CNTN5: variants seen among roughly 807,000 people sequenced by gnomAD.
CNTN5 encodes the protein contactin 5, also known as contactin-5.
CNTN5 carries 77 observed loss-of-function variants against 129.1 expected under a neutral mutation model. That is an observed-to-expected ratio of 0.60 (90% CI 0.50 to 0.72). CNTN5 has a LOEUF of 0.72. Among genes scored for constraint, CNTN5 ranks in the 30% least tolerant of loss-of-function variants. The probability of loss-of-function intolerance (pLI) is 0.00; values close to 1 mark genes in which losing one functional copy is unlikely to be tolerated. For synonymous variants in CNTN5, 509 were observed against 465.6 expected (o/e 1.09, Z -1.20); for missense variants, 1,478 against 1,328.8 (o/e 1.11, Z -1.75).
chr11:100,193,411 A>T, intron 14 of CNTN5, 77 bp from the exon 15 acceptor site: 1 of 963,350 alleles, frequency 1.0e-6, no homozygotes, highest in Non-Finnish European at 1.5e-6. Context: ...TTCTTTTCTC[A>T]ATTATTTCAA....
intron 4 of CNTN5, among the ~76,000 whole-genome samples, chr11:99,832,131 G>C (rs565950757): frequency 6.6e-6 from 1 of 152,062 alleles, no homozygotes; most frequent in Non-Finnish European, 1.5e-5. Context: ...TTTTGGACTC[G>C]AGTAAGAAAA....
intron 6 of CNTN5, among the ~76,000 whole-genome samples, chr11:99,893,101 A>G (rs1185584274): frequency 3.3e-5 from 5 of 152,206 alleles, no homozygotes; most frequent in Non-Finnish European, 7.3e-5. Flanking sequence ...ACACTGAAAT[A>G]TAAAAATTAA....
At chr11:99,429,336 G>A (rs1278227781) in intron 2 of CNTN5, among the ~76,000 whole-genome samples, 1 of 152,086 alleles carries the variant, frequency 6.6e-6, no homozygotes, top group Non-Finnish European at 1.5e-5. Flanking sequence ...TAGACACATA[G>A]ACAGAAGTAG....
chr11:99,894,515 C>CAAAAAAAAAAAAAAAAAAAAA (rs202067813), intron 6 of CNTN5, among the ~76,000 whole-genome samples: 3 of 107,492 alleles, frequency 2.8e-5, no homozygotes, highest in Admixed American at 1.9e-4. Flanking sequence ...GTACCAGCAG[C>CAAAAAAAAAAAAAAAAAAAAA]AAAAAAAAAA....
chr11:100,348,539 T>C (rs1294301275), intron 23 of CNTN5, among the ~76,000 whole-genome samples: 1 of 152,010 alleles, frequency 6.6e-6, no homozygotes, highest in Non-Finnish European at 1.5e-5. Context: ...TTTTTCTTTG[T>C]CATAAGAAAT....
intron 8 of CNTN5, among the ~76,000 whole-genome samples, chr11:99,995,531 G>A (rs1269220650): frequency 6.6e-6 from 1 of 151,972 alleles, no homozygotes; most frequent in Admixed American, 6.6e-5. Context: ...CATGTCCAGT[G>A]TATATGACCT....
chr11:99,563,505 AT>A (rs111263315), intron 3 of CNTN5, among the ~76,000 whole-genome samples: 2 of 152,306 alleles, frequency 1.3e-5, no homozygotes, highest in African/African-American at 4.8e-5. Context: ...AAGAATGCAT[AT>A]TGCCTTAGTT....
chr11:100,297,307 A>G (rs780130256), intron 18 of CNTN5, among the ~76,000 whole-genome samples: 5 of 151,484 alleles, frequency 3.3e-5, no homozygotes, highest in Non-Finnish European at 5.9e-5. Context: ...AGCAAAGAGG[A>G]TAACAGTGAG....
At chr11:99,733,321 CA>C (rs35576351) in intron 3 of CNTN5, among the ~76,000 whole-genome samples, 25,337 of 95,696 alleles carry the variant, frequency 0.26, 2,352 homozygotes, top group Middle Eastern at 0.32. Context: ...GATTCTGTCT[CA>C]AAAAAAAAAA....
chr11:100,029,559 G>C (rs889370050), intron 9 of CNTN5, among the ~76,000 whole-genome samples: 13 of 151,872 alleles, frequency 8.6e-5, no homozygotes, highest in African/African-American at 2.9e-4. Context: ...CTCCAGCCTG[G>C]GCAACAGCGA....
chr11:100,259,625 C>T (rs112459053), intron 17 of CNTN5, among the ~76,000 whole-genome samples: 3,641 of 152,096 alleles, frequency 0.024, 139 homozygotes, highest in African/African-American at 0.082. Flanking sequence ...CAAACTAGAA[C>T]TCAGGATTGA....
At chr11:99,731,317 T>G (rs1184997766) in intron 3 of CNTN5, among the ~76,000 whole-genome samples, 1 of 152,036 alleles carries the variant, frequency 6.6e-6, no homozygotes, top group Non-Finnish European at 1.5e-5. Flanking sequence ...TTCACTGTGT[T>G]AGCCAGGATG....
At chr11:99,341,147 G>A (rs914544334) in intron 2 of CNTN5, among the ~76,000 whole-genome samples, 20 of 152,100 alleles carry the variant, frequency 1.3e-4, no homozygotes, top group African/African-American at 4.3e-4. Context: ...TCTTGTAACT[G>A]GAAGAGAGGC....
intron 2 of CNTN5, among the ~76,000 whole-genome samples, chr11:99,515,755 CT>C (rs1947023620): frequency 6.6e-6 from 1 of 151,744 alleles, no homozygotes; most frequent in Non-Finnish European, 1.5e-5. Flanking sequence ...TGTTTTATTT[CT>C]ATATGCTATT....
At chr11:99,880,332 A>G (rs10501926) in intron 6 of CNTN5, among the ~76,000 whole-genome samples, 15,211 of 152,206 alleles carry the variant, frequency 0.1, 1,385 homozygotes, top group East Asian at 0.43. Context: ...AATAATACTC[A>G]TAGAATAAGA....
intron 9 of CNTN5, among the ~76,000 whole-genome samples, chr11:100,002,957 A>G (rs937522058): frequency 6.6e-6 from 1 of 152,102 alleles, no homozygotes; most frequent in Non-Finnish European, 1.5e-5. Context: ...GCAGAGAGCA[A>G]ACTCCCACAA....
chr11:99,439,305 C>T lies in CNTN5; in HGVS notation c.-71+113821C>T, dbSNP rs140619939. 1.1e-3 allele frequency among the ~76,000 whole-genome samples: 170 copies of T among 149,206 alleles called. 1 individual carries two copies. The highest frequency in any genetic ancestry group is 3.8e-3 in the African/African-American group (155 of 40,544). On this transcript the variant is annotated intron_variant, in intron 2 of 24. Coordinates refer to ENST00000524871, the MANE Select transcript of CNTN5 (RefSeq NM_014361.4). ...GTGTAGATCTCTGTGTGTGTGTGTGCGTGTGTGTGTATATATATTTAAGAT... is the reference window on the plus strand; with the variant it reads ...GTGTAGATCTCTGTGTGTGTGTGTGTGTGTGTGTGTATATATATTTAAGAT...
At chr11:99,894,939 A>T (rs1390761480) in intron 6 of CNTN5, among the ~76,000 whole-genome samples, 2 of 152,210 alleles carry the variant, frequency 1.3e-5, no homozygotes, top group Non-Finnish European at 2.9e-5. Flanking sequence ...CTACTGCCCA[A>T]AGTCACCAGA....
intron 13 of CNTN5, among the ~76,000 whole-genome samples, chr11:100,075,647 C>T (rs1229290842): frequency 6.6e-6 from 1 of 152,096 alleles, no homozygotes; most frequent in Non-Finnish European, 1.5e-5. Context: ...TCTTCTTGGC[C>T]ATTTTGTGTG....
Sources: gnomAD v4.1 joint callset for allele counts (sites outside exome capture counted in the v4.1 genomes callset) on GRCh38, gnomAD v4.1.1 for gene constraint, MANE v1.5 for transcripts, NCBI Gene and HGNC (gene_info 2026-07-23, HGNC 2026-07-21) for gene names.